Variants in EDIL3 observed in about 807,000 individuals in gnomAD.
EDIL3 encodes the protein EGF-like repeat and discoidin I-like domain-containing protein 3.
A neutral mutation model predicts 67.4 loss-of-function variants in EDIL3; 37 were observed. The ratio of observed to expected loss-of-function variants is 0.55; its 90% confidence interval spans 0.42 to 0.72. The LOEUF (loss-of-function observed/expected upper bound fraction) is 0.72, where lower values mean the gene tolerates loss of function less well. Ranked by LOEUF, EDIL3 falls within the 30% of genes least tolerant of loss-of-function variation. The pLI, the probability that EDIL3 is intolerant of heterozygous loss-of-function variation, is 0.00. For synonymous variants in EDIL3, 195 were observed against 196.3 expected (o/e 0.99, Z 0.05); for missense variants, 527 against 586.3 (o/e 0.90, Z 1.04).
chr5:84,180,206 T>A (rs116480478), intron 4 of EDIL3, among the ~76,000 whole-genome samples, 187 bp downstream of exon 4: 3 of 152,132 alleles, frequency 2.0e-5, no homozygotes, highest in Non-Finnish European at 4.4e-5. Flanking sequence ...ACTGGGAGGA[T>A]TGAAACACAG....
intron 1 of EDIL3, among the ~76,000 whole-genome samples, chr5:84,359,876 C>T (rs924406451): frequency 1.4e-4 from 21 of 152,258 alleles, no homozygotes; most frequent in South Asian, 2.1e-4. Flanking sequence ...ATTCAACTCA[C>T]GCAACTAAAC....
At chr5:84,097,163 G>GTT (rs1355631539) in intron 6 of EDIL3, among the ~76,000 whole-genome samples, 1 of 152,066 alleles carries the variant, frequency 6.6e-6, no homozygotes, top group Non-Finnish European at 1.5e-5. Flanking sequence ...AGAAATAACT[G>GTT]TTTTTCCTCT....
chr5:83,959,748 C>T (rs965018398), intron 10 of EDIL3, among the ~76,000 whole-genome samples: 1 of 150,264 alleles, frequency 6.7e-6, no homozygotes. Context: ...TAGTATTGAG[C>T]CCTTTTAAAC....
At chr5:84,376,467 A>T (rs994538710) in intron 1 of EDIL3, among the ~76,000 whole-genome samples, 2 of 152,216 alleles carry the variant, frequency 1.3e-5, no homozygotes, top group Non-Finnish European at 2.9e-5. Flanking sequence ...CTTTTCTTTT[A>T]ATTGAAGGTT....
At chr5:83,948,126 A>G (rs1744345789) in intron 10 of EDIL3, among the ~76,000 whole-genome samples, 1 of 151,756 alleles carries the variant, frequency 6.6e-6, no homozygotes, top group Non-Finnish European at 1.5e-5. Flanking sequence ...GTTATAGTTG[A>G]TTGATTTATG....
intron 3 of EDIL3, among the ~76,000 whole-genome samples, chr5:84,192,688 G>A (rs72776535): frequency 0.011 from 1,747 of 152,090 alleles, 20 homozygotes; most frequent in Non-Finnish European, 0.018. Flanking sequence ...GTTCCACAGT[G>A]CTAAGTACCA....
At chr5:84,360,492 T>C (rs1054693403) in intron 1 of EDIL3, among the ~76,000 whole-genome samples, 3 of 152,086 alleles carry the variant, frequency 2.0e-5, no homozygotes, top group African/African-American at 7.2e-5. Flanking sequence ...CCCCAAAACA[T>C]CTCTTAATAA....
intron 10 of EDIL3, among the ~76,000 whole-genome samples, chr5:83,957,125 C>T (rs1744529731): frequency 6.6e-6 from 1 of 151,662 alleles, no homozygotes; most frequent in Non-Finnish European, 1.5e-5. Context: ...CCGTTCCTTC[C>T]TTCTCTGCCT....
intron 1 of EDIL3, among the ~76,000 whole-genome samples, chr5:84,278,168 G>A (rs1745626101): frequency 6.6e-6 from 1 of 152,182 alleles, no homozygotes; most frequent in African/African-American, 2.4e-5. Context: ...AAGAGTTTAT[G>A]TATGAACCAA....
At chr5:84,099,448 G>C (rs1160898071) in intron 6 of EDIL3, among the ~76,000 whole-genome samples, 1 of 152,132 alleles carries the variant, frequency 6.6e-6, no homozygotes, top group Non-Finnish European at 1.5e-5. Context: ...TCTGATCTTT[G>C]ACAAACCTGA....
intron 2 of EDIL3, among the ~76,000 whole-genome samples, chr5:84,231,366 G>A (rs1190015513): frequency 6.6e-6 from 1 of 152,184 alleles, no homozygotes; most frequent in East Asian, 1.9e-4. Flanking sequence ...AAGTATTTCT[G>A]CTCTGTACAG....
chr5:84,058,238 T>C (rs1263532416), intron 9 of EDIL3, among the ~76,000 whole-genome samples: 2 of 152,006 alleles, frequency 1.3e-5, no homozygotes, highest in Non-Finnish European at 2.9e-5. Context: ...GGCCAAATCA[T>C]GCAAAAAACT....
intron 1 of EDIL3, among the ~76,000 whole-genome samples, chr5:84,307,845 T>C (rs1202015433): frequency 6.6e-6 from 1 of 151,922 alleles, no homozygotes; most frequent in Non-Finnish European, 1.5e-5. Flanking sequence ...TTGAGAAGAA[T>C]ATGAATTAGA....
chr5:84,362,348 A>C (rs1316617361), intron 1 of EDIL3, among the ~76,000 whole-genome samples: 1 of 152,096 alleles, frequency 6.6e-6, no homozygotes, highest in Non-Finnish European at 1.5e-5. Flanking sequence ...TTACATTTTT[A>C]AATTGTATCT....
chr5:84,174,522 C>T (rs1035913274), intron 4 of EDIL3, among the ~76,000 whole-genome samples: 3 of 152,118 alleles, frequency 2.0e-5, no homozygotes, highest in Non-Finnish European at 2.9e-5. Flanking sequence ...AAGTCTTTTT[C>T]CAGCCTGGAG....
At chr5:83,976,455 C>A (rs371360499) in intron 9 of EDIL3, among the ~76,000 whole-genome samples, 3 of 151,854 alleles carry the variant, frequency 2.0e-5, no homozygotes, top group East Asian at 3.9e-4. Context: ...CATTTGTACA[C>A]TGAGAATGCT....
rs147042882 is a variant in EDIL3, at chr5:84,161,664, A to C, written c.355+18729T>G. ...GTACCTTCCTTACTAAAATAAGTCTAGTTTTGTAGCATCTAAAAATTCATA... is the reference window on the plus strand; with the variant it reads ...GTACCTTCCTTACTAAAATAAGTCTCGTTTTGTAGCATCTAAAAATTCATA... On this transcript the variant is annotated intron_variant, in intron 4 of 10. Coordinates refer to ENST00000296591, the MANE Select transcript of EDIL3 (RefSeq NM_005711.5). Among the ~76,000 whole-genome samples the C allele has an allele frequency of 4.5e-3, 678 of 152,170 alleles. 5 individuals are homozygous for C. The highest frequency in any genetic ancestry group is 0.015 in the African/African-American group (638 of 41,526).
intron 1 of EDIL3, among the ~76,000 whole-genome samples, chr5:84,381,106 A>G (rs954293027): frequency 1.3e-5 from 2 of 152,134 alleles, no homozygotes; most frequent in Non-Finnish European, 2.9e-5. Flanking sequence ...GGAAAAATAG[A>G]CCATCTCAAT....
chr5:84,243,481 G>A (rs1275462457), intron 2 of EDIL3, among the ~76,000 whole-genome samples: 1 of 152,204 alleles, frequency 6.6e-6, no homozygotes, highest in Non-Finnish European at 1.5e-5. Context: ...AATGTTTGTA[G>A]CTCCTTGTGT....
Sources: allele counts gnomAD v4.1 joint callset (sites outside exome capture counted in the v4.1 genomes callset), GRCh38; gene constraint gnomAD v4.1.1; transcripts MANE v1.5; gene names NCBI Gene and HGNC (gene_info 2026-07-23, HGNC 2026-07-21).